Variants in MME observed in about 807,000 individuals in gnomAD.
The protein encoded by MME is neprilysin.
A neutral mutation model predicts 113.2 loss-of-function variants in MME; 98 were observed. The ratio of observed to expected loss-of-function variants is 0.87; its 90% CI spans 0.74 to 1.02. The LOEUF is 1.02. Ranked by LOEUF, MME falls within the 50% of genes least tolerant of loss-of-function variation. The pLI is 0.00. For missense variants in MME, 836 were observed against 896.0 expected (o/e 0.93, Z 0.86); for synonymous variants, 292 against 300.6 (o/e 0.97, Z 0.30).
chr3:155,134,038 T>G (rs12635515), intron 8 of MME, among the ~76,000 whole-genome samples: 44,586 of 151,652 alleles, frequency 0.29, 7,389 homozygotes, highest in East Asian at 0.43. Context: ...ACAAAAATTC[T>G]GATTACCTTA....
chr3:155,035,390 G>GAT (rs1394938999), intron 1 of MME, among the ~76,000 whole-genome samples: 2 of 151,286 alleles, frequency 1.3e-5, no homozygotes, highest in Admixed American at 6.6e-5. Flanking sequence ...AGGTGATAGA[G>GAT]ATATGATAGG....
intron 3 of MME, among the ~76,000 whole-genome samples, chr3:155,105,475 T>A (rs573428020): frequency 2.6e-5 from 4 of 152,302 alleles, no homozygotes; most frequent in East Asian, 1.9e-4. Context: ...TAAATTTACA[T>A]TGGTGACGTT....
chr3:155,090,403 A>G (rs1184533691), intron 3 of MME: 1 of 152,180 alleles, frequency 6.6e-6, no homozygotes, highest in Non-Finnish European at 1.5e-5. Flanking sequence ...TGAACCCTAT[A>G]TATGCTATAT....
At chr3:155,041,082 C>T (rs1482976185) in intron 1 of MME, among the ~76,000 whole-genome samples, 1 of 152,144 alleles carries the variant, frequency 6.6e-6, no homozygotes, top group Non-Finnish European at 1.5e-5. Flanking sequence ...ATTCTAGGAA[C>T]CATCCTTGAT....
rs373846975 is a variant in MME at position 155,143,579 on chromosome 3, T to G, written c.1317+8T>G. ...GGAGAGAGTAAACATGTGGTAATGT[T>G]TTCAGAATAATACACTGTCAGTTAT... On this transcript the variant is annotated splice_region_variant and intron_variant, in intron 13 of 22. Coordinates refer to ENST00000360490, the MANE Select transcript of MME (RefSeq NM_007289.4). The G allele has an allele frequency of 3.1e-6, 5 of 1,611,010 alleles. No homozygotes were observed. The African/African-American group carries it at 5.3e-5, about 17-fold the overall frequency.
At chr3:155,063,437 ATAT>A (rs1480737873) in intron 1 of MME, among the ~76,000 whole-genome samples, 3,205 of 83,784 alleles carry the variant, frequency 0.038, 77 homozygotes, top group South Asian at 0.1. Flanking sequence ...AAAATATTAT[ATAT>A]TTTTATTTAA....
chr3:155,094,594 C>G (rs1165555085), intron 3 of MME, among the ~76,000 whole-genome samples: 1 of 152,156 alleles, frequency 6.6e-6, no homozygotes, highest in African/African-American at 2.4e-5. Flanking sequence ...GAATGTGGTA[C>G]ATTTTACATA....
chr3:155,156,524 G>C (rs1260055691), intron 16 of MME, among the ~76,000 whole-genome samples: 1 of 152,100 alleles, frequency 6.6e-6, no homozygotes, highest in Non-Finnish European at 1.5e-5. Context: ...AATTTTCCCA[G>C]TTATATAACG....
rs552123745 is a variant in MME, at chr3:155,028,698, G to A, written c.-11+4374G>A. Among the ~76,000 whole-genome samples, 10 of 152,246 alleles carry A rather than the reference G, an allele frequency of 6.6e-5. No homozygotes were observed. In the East Asian group the frequency reaches 1.9e-3, roughly 29 times the overall value. Reference sequence around the variant, plus strand: ...GTTTAGGATCAAACGTCAGGCTAAAGTAAAATGATTTTTGGTAGCATTACA... The same window carrying A: ...GTTTAGGATCAAACGTCAGGCTAAAATAAAATGATTTTTGGTAGCATTACA... On this transcript the variant is annotated intron_variant, in intron 1 of 22. Transcript: ENST00000492661.
chr3:155,144,783 C>A (rs1241976919), intron 14 of MME, among the ~76,000 whole-genome samples: 2 of 152,000 alleles, frequency 1.3e-5, no homozygotes, highest in African/African-American at 2.4e-5. Context: ...TCATGCCCAC[C>A]CATAATGTGC....
intron 1 of MME, among the ~76,000 whole-genome samples, chr3:155,039,063 A>G (rs1016843476): frequency 6.6e-6 from 1 of 152,208 alleles, no homozygotes; most frequent in African/African-American, 2.4e-5. Context: ...TTAACCACAC[A>G]AAACACCCCA....
upstream of MME, among the ~76,000 whole-genome samples, chr3:155,077,837 TA>T (rs1243923916): frequency 6.6e-6 from 1 of 152,046 alleles, no homozygotes; most frequent in Admixed American, 6.6e-5. Flanking sequence ...AGTCAGAGTC[TA>T]AAATTAACTC....
intron 3 of MME, chr3:155,090,176 A>C (rs1022995418): frequency 6.5e-6 from 1 of 154,778 alleles, no homozygotes; most frequent in African/African-American, 2.4e-5. Flanking sequence ...GTGGAACATC[A>C]AGACCTGGAT....
upstream of MME, among the ~76,000 whole-genome samples, chr3:155,078,687 G>GTT (rs758358629): frequency 3.7e-4 from 56 of 151,562 alleles, 1 homozygote; most frequent in Non-Finnish European, 5.2e-4. Context: ...GTGTGTGTGT[G>GTT]TGTGTAATTA....
chr3:155,145,783 T>A (rs918120736), intron 14 of MME, among the ~76,000 whole-genome samples: 3 of 152,182 alleles, frequency 2.0e-5, no homozygotes, highest in African/African-American at 7.2e-5. Flanking sequence ...CCTTATACTT[T>A]CTGTAGAATT....
At chr3:155,156,043 C>A (rs1722285897) in intron 16 of MME, among the ~76,000 whole-genome samples, 1 of 152,184 alleles carries the variant, frequency 6.6e-6, no homozygotes, top group Admixed American at 6.6e-5. Context: ...TCAGGTAAGT[C>A]ACCCAGAGTA....
intron 1 of MME, among the ~76,000 whole-genome samples, chr3:155,054,366 T>C (rs1713858804): frequency 6.6e-6 from 1 of 152,208 alleles, no homozygotes; most frequent in Non-Finnish European, 1.5e-5. Flanking sequence ...CCTCTCATGT[T>C]ACTGAGAGGA....
intron 3 of MME, 108 bp downstream of exon 3, chr3:155,085,202 A>G: frequency 2.9e-6 from 2 of 693,628 alleles, no homozygotes; most frequent in Middle Eastern, 4.0e-4. Flanking sequence ...TTGTAGATCA[A>G]TTATTTATGT....
At chr3:155,134,719 T>G (rs1720485530) in intron 8 of MME, among the ~76,000 whole-genome samples, 1 of 152,318 alleles carries the variant, frequency 6.6e-6, no homozygotes, top group South Asian at 2.1e-4. Context: ...TCCAAACTGC[T>G]TTCTGTAGAG....
Sources: allele counts gnomAD v4.1 joint callset (sites outside exome capture counted in the v4.1 genomes callset), GRCh38; gene constraint gnomAD v4.1.1; transcripts MANE v1.5; gene names NCBI Gene and HGNC (gene_info 2026-07-23, HGNC 2026-07-21).